CTIF: variants seen among roughly 807,000 people sequenced by gnomAD.
CTIF encodes the protein cap binding complex dependent translation initiation factor.
Under a neutral mutation model 66.0 loss-of-function variants are expected in CTIF, and 21 were observed. The ratio of observed to expected loss-of-function variants is 0.32; its 90% confidence interval spans 0.23 to 0.46. The LOEUF (loss-of-function observed/expected upper bound fraction) is 0.46. Ranked by LOEUF, CTIF falls within the 20% of genes least tolerant of loss-of-function variation. The probability of loss-of-function intolerance (pLI) is 1.00; values close to 1 mark genes in which losing one functional copy is unlikely to be tolerated. For synonymous variants in CTIF, 345 were observed against 326.4 expected (o/e 1.06, Z -0.62); for missense variants, 739 against 812.7 (o/e 0.91, Z 1.10).
intron 10 of CTIF, among the ~76,000 whole-genome samples, chr18:48,839,570 A>G (rs1044002000): frequency 3.3e-5 from 5 of 150,044 alleles, no homozygotes; most frequent in Admixed American, 6.7e-5. Context: ...CAGGTAAGGA[A>G]ACTGAGACAC....
Position 48,545,946 on chromosome 18 carries a change from A to G in CTIF, c.-29+6634A>G, listed in dbSNP as rs57965781. ...GCTGGAGGCCCAGCTGGCAGAATCCAGCGACAGCCAAGAGCGTGTTTCAGC... is the reference window on the plus strand; with the variant it reads ...GCTGGAGGCCCAGCTGGCAGAATCCGGCGACAGCCAAGAGCGTGTTTCAGC... On this transcript the variant is annotated intron_variant, in intron 1 of 11. Coordinates refer to ENST00000256413, the MANE Select transcript of CTIF (RefSeq NM_014772.3). Among the ~76,000 whole-genome samples the G allele has an allele frequency of 1.8e-3, 279 of 152,256 alleles. 2 individuals are homozygous for G. Among genetic ancestry groups the G allele is most frequent in the African/African-American group, 6.5e-3 (271 of 41,532 alleles).
intron 10 of CTIF, among the ~76,000 whole-genome samples, chr18:48,849,816 C>T (rs2069161300): frequency 6.6e-6 from 1 of 151,940 alleles, no homozygotes; most frequent in South Asian, 2.1e-4. Flanking sequence ...GATCTCTTGA[C>T]ATCGTGATCC....
At position 48,711,876 on chromosome 18, in the gene CTIF, C is replaced by T. The variant is rs28735951; in HGVS notation, c.584+181C>T. Among the ~76,000 whole-genome samples, 1,237 of 152,268 alleles carry T rather than the reference C, an allele frequency of 8.1e-3. 14 individuals are homozygous for T. Among genetic ancestry groups the T allele is most frequent in the African/African-American group, 0.028 (1,166 of 41,546 alleles). On this transcript the variant is annotated intron_variant, in intron 7 of 11. Transcript: ENST00000256413. ...TTCCCCAGGGGCAGAGTGGCGGCTC[C>T]ACTTCTCTTGTTGGCCTAGGGATTG...
At chr18:48,789,112 A>C (rs1285207790) in intron 9 of CTIF, among the ~76,000 whole-genome samples, 1 of 152,202 alleles carries the variant, frequency 6.6e-6, no homozygotes, top group African/African-American at 2.4e-5. Context: ...CCTTTAGTAC[A>C]GTCACTCTAG....
intron 2 of CTIF, among the ~76,000 whole-genome samples, chr18:48,620,753 C>T (rs1445281484): frequency 6.6e-6 from 1 of 152,166 alleles, no homozygotes; most frequent in Non-Finnish European, 1.5e-5. Flanking sequence ...ACTCCTGGGA[C>T]AATCAGAAGG....
At chr18:48,788,254 G>A (rs1038146949) in intron 9 of CTIF, among the ~76,000 whole-genome samples, 1 of 152,152 alleles carries the variant, frequency 6.6e-6, no homozygotes, top group Admixed American at 6.5e-5. Flanking sequence ...CATGCTCAGG[G>A]GCCAGTGCGT....
At chr18:48,674,513 C>A (rs192223615) in intron 6 of CTIF, among the ~76,000 whole-genome samples, 5 of 152,250 alleles carry the variant, frequency 3.3e-5, no homozygotes, top group South Asian at 2.1e-4. Flanking sequence ...GGAGGTGATG[C>A]CTCCACTGGG....
intron 9 of CTIF, among the ~76,000 whole-genome samples, chr18:48,777,095 G>T (rs549687796): frequency 3.1e-4 from 47 of 152,352 alleles, no homozygotes; most frequent in African/African-American, 1.1e-3. Context: ...TTGGTTAGCG[G>T]GTTGACCAGT....
intron 7 of CTIF, among the ~76,000 whole-genome samples, chr18:48,712,602 A>T (rs541495005): frequency 2.0e-5 from 3 of 152,294 alleles, no homozygotes; most frequent in Admixed American, 2.0e-4. Context: ...CTCTATAGGG[A>T]ATATATTCTT....
chr18:48,584,534 C>A (rs1395272998), intron 1 of CTIF, among the ~76,000 whole-genome samples: 2 of 152,156 alleles, frequency 1.3e-5, no homozygotes. Flanking sequence ...AGTCCAAGAA[C>A]CTGCATTTTC....
intron 4 of CTIF, among the ~76,000 whole-genome samples, chr18:48,664,245 A>T (rs550721294): frequency 6.6e-6 from 1 of 152,278 alleles, no homozygotes; most frequent in South Asian, 2.1e-4. Flanking sequence ...CACTTGTTTC[A>T]TAAGCATGCA....
At chr18:48,817,980 C>T (rs1471040155) in intron 10 of CTIF, among the ~76,000 whole-genome samples, 11 of 152,202 alleles carry the variant, frequency 7.2e-5, no homozygotes, top group Admixed American at 5.2e-4. Flanking sequence ...TAAGTGTTGT[C>T]TCAATGAGCG....
chr18:48,619,026 G>T lies in CTIF; in HGVS notation c.-28-512G>T, dbSNP rs563268455. 1.1e-3 allele frequency among the ~76,000 whole-genome samples: 161 copies of T among 152,324 alleles called. 1 individual carries two copies. The highest frequency in any genetic ancestry group is 2.0e-3 in the Non-Finnish European group (137 of 68,026). ...CCCATAGGCTTCAACTAATTTAGGG[G>T]ACAGTCTGGTGACTGAAAAGAAAAA... On this transcript the variant is annotated intron_variant, in intron 1 of 11. Coordinates refer to ENST00000256413, the MANE Select transcript of CTIF (RefSeq NM_014772.3).
chr18:48,780,704 C>A (rs897802730), intron 9 of CTIF, among the ~76,000 whole-genome samples: 1 of 152,248 alleles, frequency 6.6e-6, no homozygotes, highest in Admixed American at 6.5e-5. Context: ...TCCCAGGCTT[C>A]CCTCCTGCCG....
intron 10 of CTIF, among the ~76,000 whole-genome samples, chr18:48,850,755 C>G (rs2069181671): frequency 6.6e-6 from 1 of 152,188 alleles, no homozygotes; most frequent in Non-Finnish European, 1.5e-5. Flanking sequence ...CACAGAGCAG[C>G]AGGTGGGGCC....
chr18:48,683,220 G>A (rs1423456355), intron 6 of CTIF: 2 of 151,908 alleles, frequency 1.3e-5, no homozygotes, highest in East Asian at 2.0e-4. Context: ...ATGTTACATC[G>A]ACCATAAGTA....
intron 7 of CTIF, among the ~76,000 whole-genome samples, chr18:48,720,694 G>C (rs2092326957): frequency 6.6e-6 from 1 of 152,168 alleles, no homozygotes; most frequent in Non-Finnish European, 1.5e-5. Context: ...CTTCAAGCCA[G>C]ATGTCCAGGT....
intron 9 of CTIF, among the ~76,000 whole-genome samples, chr18:48,814,886 A>G (rs1227333400): frequency 6.6e-6 from 1 of 152,166 alleles, no homozygotes; most frequent in African/African-American, 2.4e-5. Context: ...AGAACTCTAC[A>G]ATCATACCCA....
At chr18:48,795,160 A>C (rs1452293169) in intron 9 of CTIF, among the ~76,000 whole-genome samples, 1 of 152,108 alleles carries the variant, frequency 6.6e-6, no homozygotes, top group Admixed American at 6.5e-5. Context: ...TGGCAAGCTT[A>C]CCTTTTACTT....
Sources: allele counts gnomAD v4.1 joint callset (sites outside exome capture counted in the v4.1 genomes callset), GRCh38; gene constraint gnomAD v4.1.1; transcripts MANE v1.5; gene names NCBI Gene and HGNC (gene_info 2026-07-23, HGNC 2026-07-21).